Variants in ATP6AP1 observed in about 807,000 individuals in gnomAD.
ATP6AP1 encodes the protein ATPase H+ transporting accessory protein 1, also known as V-type proton ATPase subunit S1.
In ATP6AP1, 1 loss-of-function variant was observed where a neutral mutation model predicts 32.0. That is an observed-to-expected ratio of 0.03 (90% CI 0.01 to 0.15). The LOEUF (loss-of-function observed/expected upper bound fraction) is 0.15, where lower values mean the gene tolerates loss of function less well. Among genes scored for constraint, ATP6AP1 ranks in the 10% least tolerant of loss-of-function variants. ATP6AP1 has a pLI of 1.00. For synonymous variants in ATP6AP1, 187 were observed against 174.9 expected (o/e 1.07, Z -0.55); for missense variants, 297 against 398.8 (o/e 0.74, Z 2.17).
At chrX:154,431,458 C>T (rs1366990422) in intron 2 of ATP6AP1, 5 of 189,910 alleles carry the variant, frequency 2.6e-5, no homozygotes, top group African/African-American at 6.0e-5. Context: ...GGCTGGGAGG[C>T]CTGCCACAAA....
intron 6 of ATP6AP1, 44 bp from the exon 7 acceptor site, chrX:154,434,162 ACT>A (rs2068707541): frequency 8.6e-7 from 1 of 1,163,748 alleles, no homozygotes; most frequent in African/African-American, 1.8e-5. Flanking sequence ...CAAGTGTGAC[ACT>A]CTCCCAGGGC....
At position 154,428,796 on chromosome X, in the gene ATP6AP1, C is replaced by T; in HGVS notation, c.104C>T (p.Ala35Val). ...WLPVFLSLAA[A>V]AAAAAAEQQV... ...CCGGTGTTTTTGTCGTTGGCGGCGG[C>T]GGCGGCGGCGGCAGCGGCGGAGCAG... The change falls in exon 1 of 10, where the codon GCG (alanine) becomes GTG (valine). Residue 35 changes from alanine to valine, a missense_variant. Coordinates refer to ENST00000369762, the MANE Select transcript of ATP6AP1 (RefSeq NM_001183.6). The T allele has an allele frequency of 1.8e-6, 2 of 1,121,068 alleles. No individual in the cohort carries two copies. The highest frequency in any genetic ancestry group is 1.2e-6 in the Non-Finnish European group (1 of 858,200). 92.4% of individuals were successfully genotyped at this position (1,121,068 alleles called of 1,213,427 possible). A position where few individuals can be genotyped will look rare whatever the true frequency, so the allele number is the denominator to read the frequency against.
Position 154,435,996 on chromosome X carries a change from G to A in ATP6AP1, c.*105G>A. On this transcript the variant is annotated 3_prime_UTR_variant, in exon 10 of 10. Transcript: ENST00000369762. ...AGCTTCCCTCTTCCTACTGCAGCATGAACTGCAAGCTCCCCTCAGCCCATC... is the reference window on the plus strand; with the variant it reads ...AGCTTCCCTCTTCCTACTGCAGCATAAACTGCAAGCTCCCCTCAGCCCATC... 2 of 806,874 alleles carry A rather than the reference G, an allele frequency of 2.5e-6. No homozygotes were observed. The highest frequency in any genetic ancestry group is 3.6e-6 in the Non-Finnish European group (2 of 552,365). 66.5% of individuals were successfully genotyped at this position (806,874 alleles called of 1,213,427 possible).
At chrX:154,431,684 A>C in intron 2 of ATP6AP1, 146 bp from the exon 3 acceptor site, 1 of 538,354 alleles carries the variant, frequency 1.9e-6, no homozygotes, top group Non-Finnish European at 3.2e-6. Context: ...ACCCCCACCA[A>C]CACACAGTTG....
intron 4 of ATP6AP1, 36 bp from the exon 5 acceptor site, chrX:154,432,895 G>A (rs199636534): frequency 7.0e-5 from 84 of 1,208,064 alleles, no homozygotes; most frequent in Admixed American, 1.1e-4. Flanking sequence ...GGTCCAGGCC[G>A]CCTGAGGACT....
At position 154,432,355 on chromosome X, in the gene ATP6AP1, G is replaced by A; in HGVS notation, c.453G>A (p.Lys151=). 1 of 1,212,112 alleles carries A rather than the reference G, an allele frequency of 8.3e-7. No individual in the cohort carries two copies. Among genetic ancestry groups the A allele is most frequent in the Non-Finnish European group, 1.1e-6 (1 of 895,551 alleles). Residue 151 remains lysine (K), a synonymous_variant, in exon 4 of 10, where the codon AAG becomes AAA. Transcript: ENST00000369762. The stretch of plus-strand genomic sequence containing the variant: ...CTCTGACCACTTACCTGCAGGAGAA[G>A]CTCGGGGCCAGCCCCTTGCATGTGG... The part of the protein sequence containing the change: ...VSTLTTYLQE[K]LGASPLHVDL...
intron 4 of ATP6AP1, 88 bp downstream of exon 4, chrX:154,432,547 A>G: frequency 9.4e-7 from 1 of 1,067,752 alleles, no homozygotes; most frequent in Non-Finnish European, 1.2e-6. Context: ...CCGTTTGGCT[A>G]AAGATGCCAG....
Position 154,434,239 on chromosome X carries a change from G to A in ATP6AP1, c.716G>A (p.Gly239Glu), listed in dbSNP as rs782527203. ...VARDVAVVAG[G>E]LGRQLLQKQP... ...CGTGATGTAGCCGTGGTGGCCGGAG[G>A]GCTAGGTCGCCAGCTGCTACAAAAA... The change falls in exon 7 of 10, where the codon GGG becomes GAG. Residue 239 changes from glycine (G) to glutamate (E), a missense_variant. Gly to Glu is a moderately conservative substitution (Grantham distance 98). Around this residue, in one of 2 missense-constraint regions of ATP6AP1, gnomAD observed 155 missense variants for 253.8 expected, o/e 0.61. Coordinates refer to ENST00000369762, the MANE Select transcript of ATP6AP1 (RefSeq NM_001183.6). The A allele has an allele frequency of 2.8e-5, 34 of 1,211,583 alleles. No homozygotes were observed. Among genetic ancestry groups the A allele is most frequent in the Non-Finnish European group, 3.6e-5 (32 of 895,432 alleles).
At chrX:154,433,380 G>A (rs1275512554) in intron 5 of ATP6AP1, among the ~76,000 whole-genome samples, 2 of 112,247 alleles carry the variant, frequency 1.8e-5, no homozygotes, top group East Asian at 5.6e-4. Flanking sequence ...GGAGTTTTCT[G>A]TATTGATATG....
intron 5 of ATP6AP1, among the ~76,000 whole-genome samples, 194 bp from the exon 6 acceptor site, chrX:154,433,441 G>A (rs2068704173): frequency 8.9e-6 from 1 of 111,763 alleles, no homozygotes; most frequent in South Asian, 3.8e-4. Flanking sequence ...ATCGATGACT[G>A]AAGCCACAGT....
In ATP6AP1 at chrX:154,433,672, C is replaced by G; in HGVS notation, c.636C>G (p.Ser212=). The G allele has an allele frequency of 8.3e-7, 1 of 1,210,509 alleles. No homozygotes were observed. Among genetic ancestry groups the G allele is most frequent in the Admixed American group, 2.2e-5 (1 of 45,843 alleles). Residue 212 remains serine, a synonymous_variant, in exon 6 of 10, where the codon TCC becomes TCG. Transcript: ENST00000369762. ...VIGQVLSTLK[S]EDVPYTAALT... Reference sequence around the variant, plus strand: ...GGCAGGTCCTGAGCACACTCAAGTCCGAAGATGTCCCATACACAGCGGCCC... The same window carrying G: ...GGCAGGTCCTGAGCACACTCAAGTCGGAAGATGTCCCATACACAGCGGCCC...
chrX:154,435,046 C>A, intron 7 of ATP6AP1, 93 bp from the exon 8 acceptor site: 1 of 1,034,760 alleles, frequency 9.7e-7, no homozygotes, highest in South Asian at 2.2e-5. Flanking sequence ...CCCAAGGCAG[C>A]TTAGGTAGGA....
At chrX:154,431,600 AC>A in intron 2 of ATP6AP1, 2 of 389,751 alleles carry the variant, frequency 5.1e-6, no homozygotes, top group Admixed American at 9.2e-5. Flanking sequence ...AGATCTCCCC[AC>A]CCCATGACTG....
intron 5 of ATP6AP1, 48 bp from the exon 6 acceptor site, chrX:154,433,587 G>A (rs782085826): frequency 1.1e-5 from 13 of 1,134,296 alleles, no homozygotes; most frequent in Non-Finnish European, 1.6e-5. Flanking sequence ...GTTTCTTTAT[G>A]CAGGGTGCCT....
At chrX:154,430,049 T>A (rs2068685382) in intron 2 of ATP6AP1, 1 of 112,303 alleles carries the variant, frequency 8.9e-6, no homozygotes, top group Non-Finnish European at 1.9e-5. Context: ...GAATGACAGT[T>A]TCTACATCTG....
chrX:154,435,219 G>A, intron 8 of ATP6AP1, 33 bp downstream of exon 8: 1 of 1,209,210 alleles, frequency 8.3e-7, no homozygotes. Context: ...GTATGGGTGG[G>A]CTGGTGTGGC....
Position 154,436,039 on chromosome X carries a change from C to T in ATP6AP1, c.*148C>T. ...AGCCCATCTTGCTCCCTCTTCAGCC[C>T]GCTGAGGAGCTTTCTTGGGCTGCCC... On this transcript the variant is annotated 3_prime_UTR_variant, in exon 10 of 10. Transcript: ENST00000369762. The T allele has an allele frequency of 5.4e-6, 3 of 559,205 alleles. No homozygotes were observed. The highest frequency in any genetic ancestry group is 8.6e-6 in the Non-Finnish European group (3 of 349,306). 46.1% of individuals were successfully genotyped at this position (559,205 alleles called of 1,213,427 possible). A position where few individuals can be genotyped will look rare whatever the true frequency, so the allele number is the denominator to read the frequency against.
intron 2 of ATP6AP1, chrX:154,429,727 C>G (rs976347267): frequency 3.0e-4 from 34 of 112,586 alleles, no homozygotes; most frequent in African/African-American, 1.1e-3. Context: ...TTGGTTCCAG[C>G]CTGAGTCTGC....
At position 154,434,335 on chromosome X, in the gene ATP6AP1, C is replaced by T; in HGVS notation, c.812C>T (p.Ala271Val). The change falls in exon 7 of 10, where the codon GCC becomes GTC. Residue 271 changes from alanine to valine, a missense_variant. Physicochemically the swap from Ala to Val is moderately conservative, Grantham distance 64. Coordinates refer to ENST00000369762, the MANE Select transcript of ATP6AP1 (RefSeq NM_001183.6). ...NDTAPRILFW[A>V]QNFSVAYKDQ... ...ACCGCTCCCCGGATCCTGTTCTGGG[C>T]CCAAAACTTCTCTGTGGCGTACAAG... 1.7e-6 allele frequency: 2 copies of T among 1,211,860 alleles called. No individual in the cohort carries two copies. The highest frequency in any genetic ancestry group is 2.2e-6 in the Non-Finnish European group (2 of 895,443).
Sources: gnomAD v4.1 joint callset for allele counts (sites outside exome capture counted in the v4.1 genomes callset) on GRCh38, gnomAD v4.1.1 for gene constraint, gnomAD v4.1.1 regional missense constraint, MANE v1.5 for transcripts, NCBI Gene and HGNC (gene_info 2026-07-23, HGNC 2026-07-21) for gene names.